The following PAPPA2 variants were observed in gnomAD, a reference collection of about 807,000 sequenced individuals.
PAPPA2 encodes the protein pappalysin-2.
PAPPA2 carries 86 observed loss-of-function variants against 176.4 expected under a neutral mutation model. The ratio of observed to expected loss-of-function variants is 0.49; its 90% confidence interval spans 0.41 to 0.58. The LOEUF (loss-of-function observed/expected upper bound fraction) is 0.58. Among genes scored for constraint, PAPPA2 ranks in the 20% least tolerant of loss-of-function variants. The pLI, the probability that PAPPA2 is intolerant of heterozygous loss-of-function variation, is 0.00. For synonymous variants in PAPPA2, 809 were observed against 852.2 expected (o/e 0.95, Z 0.88); for missense variants, 2,073 against 2,256.9 (o/e 0.92, Z 1.65).
intron 14 of PAPPA2, among the ~76,000 whole-genome samples, chr1:176,764,981 G>A (rs1663898492): frequency 6.6e-6 from 1 of 152,176 alleles, no homozygotes; most frequent in East Asian, 1.9e-4. Context: ...TCTGCTGAGA[G>A]GATGTCTGTG....
chr1:176,651,461 A>G (rs1490021661), intron 3 of PAPPA2, among the ~76,000 whole-genome samples: 2 of 151,434 alleles, frequency 1.3e-5, no homozygotes, highest in South Asian at 2.1e-4. Flanking sequence ...CTCCTTCCTG[A>G]TCTGTATAGT....
chr1:176,599,056 GA>G (rs1654142034), intron 3 of PAPPA2, among the ~76,000 whole-genome samples: 2 of 151,960 alleles, frequency 1.3e-5, no homozygotes, highest in African/African-American at 4.8e-5. Flanking sequence ...ATTTTGGATT[GA>G]AAAACAGTTT....
intron 3 of PAPPA2, among the ~76,000 whole-genome samples, chr1:176,602,653 G>C (rs72716840): frequency 1.3e-5 from 2 of 151,966 alleles, no homozygotes; most frequent in Admixed American, 6.5e-5. Context: ...GAAAATAAGC[G>C]TAAGGGGTAG....
chr1:176,624,916 T>C (rs1414368673), intron 3 of PAPPA2, among the ~76,000 whole-genome samples: 1 of 152,012 alleles, frequency 6.6e-6, no homozygotes, highest in Non-Finnish European at 1.5e-5. Flanking sequence ...GGAGAGTGGA[T>C]GTATAAGTGG....
chr1:176,507,516 G>A (rs1166344009), intron 1 of PAPPA2, among the ~76,000 whole-genome samples: 1 of 152,110 alleles, frequency 6.6e-6, no homozygotes, highest in Non-Finnish European at 1.5e-5. Flanking sequence ...ATTCACAATA[G>A]CAAAGACATG....
intron 3 of PAPPA2, among the ~76,000 whole-genome samples, chr1:176,646,445 T>G (rs1392857889): frequency 6.6e-6 from 1 of 150,992 alleles, no homozygotes; most frequent in Non-Finnish European, 1.5e-5. Context: ...TATTTTTAAA[T>G]GTATAATAAA....
chr1:176,655,801 A>G (rs932026272), intron 3 of PAPPA2, among the ~76,000 whole-genome samples: 7 of 151,864 alleles, frequency 4.6e-5, no homozygotes, highest in African/African-American at 1.7e-4. Context: ...ATATCCATGT[A>G]ACAAAATTAC....
chr1:176,742,286 A>G (rs1053992784), intron 14 of PAPPA2, among the ~76,000 whole-genome samples: 3 of 151,552 alleles, frequency 2.0e-5, no homozygotes, highest in Non-Finnish European at 2.9e-5. Context: ...TAAATGCTCC[A>G]TGAACAGAAC....
At chr1:176,830,962 G>A (rs187700188) in intron 21 of PAPPA2, among the ~76,000 whole-genome samples, 1 of 152,296 alleles carries the variant, frequency 6.6e-6, no homozygotes, top group Non-Finnish European at 1.5e-5. Flanking sequence ...TGACAGCAAA[G>A]GATTGGGAAT....
intron 17 of PAPPA2, among the ~76,000 whole-genome samples, chr1:176,775,297 T>C (rs1664406744): frequency 6.6e-6 from 1 of 152,174 alleles, no homozygotes; most frequent in Admixed American, 6.6e-5. Context: ...AGCAAACTTA[T>C]GATAGAATTT....
At chr1:176,606,662 A>ACCATATTGAC (rs1270859506) in intron 3 of PAPPA2, among the ~76,000 whole-genome samples, 1 of 152,118 alleles carries the variant, frequency 6.6e-6, no homozygotes, top group Non-Finnish European at 1.5e-5. Flanking sequence ...ATGGGGTTTC[A>ACCATATTGAC]CCATATTGAC....
chr1:176,791,296 TCAA>T, intron 18 of PAPPA2, 48 bp from the exon 19 acceptor site: 1 of 1,437,770 alleles, frequency 7.0e-7, no homozygotes, highest in African/African-American at 1.5e-5. Context: ...TTTTCAACTC[TCAA>T]TAAAGTTAAC....
At chr1:176,672,463 A>C (rs1395201029) in intron 4 of PAPPA2, among the ~76,000 whole-genome samples, 1 of 152,182 alleles carries the variant, frequency 6.6e-6, no homozygotes. Flanking sequence ...GTCATAGTGA[A>C]GTCTAGAACA....
intron 1 of PAPPA2, among the ~76,000 whole-genome samples, chr1:176,464,889 A>G (rs1404945544): frequency 6.6e-6 from 1 of 152,232 alleles, no homozygotes; most frequent in Non-Finnish European, 1.5e-5. Flanking sequence ...CCCAATATCC[A>G]TATGCAGTGG....
At chr1:176,783,741 C>G (rs890620660) in intron 17 of PAPPA2, among the ~76,000 whole-genome samples, 1 of 152,142 alleles carries the variant, frequency 6.6e-6, no homozygotes, top group Admixed American at 6.5e-5. Context: ...TAGCAAAGAC[C>G]AAATGGGACA....
intron 1 of PAPPA2, among the ~76,000 whole-genome samples, chr1:176,536,475 G>A (rs1442942743): frequency 1.3e-5 from 2 of 152,176 alleles, no homozygotes; most frequent in African/African-American, 2.4e-5. Context: ...ATCTGACTTG[G>A]CTGACCTTGG....
At chr1:176,575,534 G>C (rs1024696691) in intron 2 of PAPPA2, among the ~76,000 whole-genome samples, 1 of 152,080 alleles carries the variant, frequency 6.6e-6, no homozygotes. Flanking sequence ...TTTCATGCCA[G>C]TGCCCTGCAT....
intron 21 of PAPPA2, among the ~76,000 whole-genome samples, chr1:176,802,648 G>A (rs1665730932): frequency 6.6e-6 from 1 of 152,128 alleles, no homozygotes; most frequent in African/African-American, 2.4e-5. Flanking sequence ...TTGCTTCCCA[G>A]TACTGAATAT....
intron 3 of PAPPA2, among the ~76,000 whole-genome samples, chr1:176,600,620 G>C (rs1002415657): frequency 2.1e-5 from 3 of 145,194 alleles, no homozygotes; most frequent in Non-Finnish European, 4.5e-5. Flanking sequence ...AGCTTGCAGT[G>C]AGCCGAGATC....
Sources: allele counts gnomAD v4.1 joint callset (sites outside exome capture counted in the v4.1 genomes callset), GRCh38; gene constraint gnomAD v4.1.1; transcripts MANE v1.5; gene names NCBI Gene and HGNC (gene_info 2026-07-23, HGNC 2026-07-21).